LAMC3: variants seen among roughly 807,000 people sequenced by gnomAD.
LAMC3 encodes laminin subunit gamma 3.
Under a neutral mutation model 173.8 loss-of-function variants are expected in LAMC3, and 128 were observed. That is an observed-to-expected ratio of 0.74 (90% CI 0.64 to 0.85). The LOEUF is 0.85. LAMC3 is among the 40% of genes least tolerant of loss of function. LAMC3 has a pLI of 0.00. For missense variants in LAMC3, 2,022 were observed against 2,156.0 expected (o/e 0.94, Z 1.23); for synonymous variants, 897 against 909.1 (o/e 0.99, Z 0.24).
At chr9:131,075,340 G>T (rs779459097) in intron 20 of LAMC3, among the ~76,000 whole-genome samples, 1 of 152,158 alleles carries the variant, frequency 6.6e-6, no homozygotes, top group Non-Finnish European at 1.5e-5. Flanking sequence ...TTGGGAGGCC[G>T]AGGTGGGTGG....
At chr9:131,033,760 C>T (rs750700131) in intron 3 of LAMC3, among the ~76,000 whole-genome samples, 9 of 152,006 alleles carry the variant, frequency 5.9e-5, no homozygotes, top group Non-Finnish European at 1.2e-4. Flanking sequence ...TGGGTCTGAA[C>T]GCGACTGAGG....
At position 131,036,256 on chromosome 9, in the gene LAMC3, CTG is replaced by C. The variant is rs761516738; in HGVS notation, c.903_904del (p.Cys301Ter). ...RCQHNTTGTD[C>X]ERCLPFFQDR... Reference sequence around the variant, plus strand: ...GCCAGCACAACACCACCGGCACAGACTGTGAGCGCTGCCTGCCCTTCTTCCAG... The same window carrying C: ...GCCAGCACAACACCACCGGCACAGACTGAGCGCTGCCTGCCCTTCTTCCAG... On this transcript the variant is annotated frameshift_variant, in exon 4 of 28. Coordinates refer to ENST00000361069, the MANE Select transcript of LAMC3 (RefSeq NM_006059.4). LOFTEE classifies it high-confidence loss of function. 4 of 1,613,276 alleles carry C rather than the reference CTG, an allele frequency of 2.5e-6. No homozygotes were observed. Among genetic ancestry groups the C allele is most frequent in the South Asian group, 2.2e-5 (2 of 91,062 alleles).
chr9:131,084,277 C>CT (rs1451514079), intron 24 of LAMC3, among the ~76,000 whole-genome samples: 3 of 152,038 alleles, frequency 2.0e-5, no homozygotes, highest in African/African-American at 7.2e-5. Flanking sequence ...GTGGTGCAAT[C>CT]ATAGCTCACT....
At chr9:131,054,039 A>G (rs575802812) in intron 11 of LAMC3, among the ~76,000 whole-genome samples, 101 of 151,880 alleles carry the variant, frequency 6.6e-4, no homozygotes, top group African/African-American at 1.8e-3. Context: ...CAAAACCCCT[A>G]GTGTATGTGT....
chr9:131,037,109 G>A (rs928059353), intron 4 of LAMC3, among the ~76,000 whole-genome samples: 7 of 152,212 alleles, frequency 4.6e-5, no homozygotes, highest in African/African-American at 1.7e-4. Flanking sequence ...GTGGGGCACT[G>A]TCTGCAGGAG....
intron 14 of LAMC3, among the ~76,000 whole-genome samples, chr9:131,067,688 C>G (rs2282255): frequency 0.52 from 79,768 of 151,998 alleles, 21,216 homozygotes; most frequent in Non-Finnish European, 0.56. Flanking sequence ...GGAACCCCTG[C>G]AGGAAACACC....
intron 24 of LAMC3, 84 bp from the exon 25 acceptor site, chr9:131,085,440 C>A: frequency 7.1e-7 from 1 of 1,411,232 alleles, no homozygotes; most frequent in Non-Finnish European, 1.0e-6. Flanking sequence ...CTGTGGTCAG[C>A]CAGGCAGCTC....
chr9:131,075,762 G>T, intron 20 of LAMC3, 69 bp from the exon 21 acceptor site: 2 of 1,531,278 alleles, frequency 1.3e-6, no homozygotes, highest in Admixed American at 1.9e-5. Context: ...GTAGTAGGGG[G>T]CGTAGTTCTG....
rs768113454 is a variant in LAMC3, at chr9:131,081,202, G to C, written c.3928-857G>C. On this transcript the variant is annotated intron_variant, in intron 23 of 27. Transcript: ENST00000361069. Reference sequence around the variant, plus strand: ...CTCCTGATGGCATCACCTTTTCAGGGTTCACCTGCCTTGCGGCCTGGATCT... The same window carrying C: ...CTCCTGATGGCATCACCTTTTCAGGCTTCACCTGCCTTGCGGCCTGGATCT... Among the ~76,000 whole-genome samples, 52 of 152,216 alleles carry C rather than the reference G, an allele frequency of 3.4e-4. 1 individual carries two copies. Among genetic ancestry groups the C allele is most frequent in the Admixed American group, 6.5e-4 (10 of 15,282 alleles).
At chr9:131,083,862 G>A (rs1026705923) in intron 24 of LAMC3, among the ~76,000 whole-genome samples, 2 of 124,282 alleles carry the variant, frequency 1.6e-5, no homozygotes, top group Non-Finnish European at 3.3e-5. Flanking sequence ...ACTGTAATAA[G>A]TGCTTTTTTT....
At position 131,067,130 on chromosome 9, in the gene LAMC3, G is replaced by A. The variant is rs1310843668; in HGVS notation, c.2518G>A (p.Gly840Ser). 2 of 1,614,150 alleles carry A rather than the reference G, an allele frequency of 1.2e-6. No individual in the cohort carries two copies. Among genetic ancestry groups the A allele is most frequent in the African/African-American group, 2.7e-5 (2 of 75,040 alleles). ...CCTGCGCTGCCTGCACAACACCACG[G>A]GTGACCACTGTGAGCACTGTCAGGA... ...HCLRCLHNTT[G>S]DHCEHCQEGF... Residue 840 changes from glycine to serine, a missense_variant, in exon 14 of 28, where the codon GGT (glycine) becomes AGT (serine). Gly to Ser is a moderately conservative substitution (Grantham distance 56, BLOSUM62 0). Coordinates refer to ENST00000361069, the MANE Select transcript of LAMC3 (RefSeq NM_006059.4).
At chr9:131,066,750 G>C (rs1829940877) in intron 13 of LAMC3, among the ~76,000 whole-genome samples, 1 of 152,142 alleles carries the variant, frequency 6.6e-6, no homozygotes, top group African/African-American at 2.4e-5. Context: ...CCCCGCTTTA[G>C]AGATGAGGAA....
chr9:131,088,927 T>A (rs1554723707), intron 27 of LAMC3, among the ~76,000 whole-genome samples: 1 of 151,406 alleles, frequency 6.6e-6, no homozygotes, highest in East Asian at 2.0e-4. Context: ...TCTAAAGATA[T>A]AAAAAAAATT....
Position 131,041,366 on chromosome 9 carries a change from C to CAAAAAAAA in LAMC3, c.1284-269_1284-262dup, listed in dbSNP as rs10526087. Among the ~76,000 whole-genome samples the CAAAAAAAA allele has an allele frequency of 8.7e-5, 10 of 114,562 alleles. 1 individual carries two copies. Among genetic ancestry groups the CAAAAAAAA allele is most frequent in the Non-Finnish European group, 5.5e-5 (3 of 54,754 alleles). The allele number at this position is 114,562 out of a possible 152,430, so 75.2% of individuals were successfully genotyped here. A position where few individuals can be genotyped will look rare whatever the true frequency, so the allele number is the denominator to read the frequency against. On this transcript the variant is annotated intron_variant, in intron 6 of 27. Transcript: ENST00000361069. ...TGGGTGGCAAAGTGTGACTCTGTCC[C>CAAAAAAAA]AAAAAAAAAGATTCATGGATGATGA...
chr9:131,084,579 A>T (rs886566949), intron 24 of LAMC3, among the ~76,000 whole-genome samples: 1 of 152,186 alleles, frequency 6.6e-6, no homozygotes, highest in Admixed American at 6.5e-5. Flanking sequence ...ACTACTTCTT[A>T]TTGGATAATA....
intron 4 of LAMC3, among the ~76,000 whole-genome samples, 184 bp from the exon 5 acceptor site, chr9:131,038,680 T>G (rs1275074904): frequency 1.3e-5 from 2 of 152,192 alleles, no homozygotes; most frequent in African/African-American, 4.8e-5. Context: ...GTGTCCTGTT[T>G]TGGAAAATCA....
chr9:131,082,002 C>T lies in LAMC3; in HGVS notation c.3928-57C>T, dbSNP rs1330820609. 15 of 1,366,034 alleles carry T rather than the reference C, an allele frequency of 1.1e-5. No individual in the cohort carries two copies. In the Admixed American group the frequency reaches 2.3e-4, roughly 21 times the overall value. The allele number at this position is 1,366,034 out of a possible 1,614,324, so 84.6% of individuals were successfully genotyped here. On this transcript the variant is annotated intron_variant, in intron 23 of 27. Coordinates refer to ENST00000361069, the MANE Select transcript of LAMC3 (RefSeq NM_006059.4). ...TGTGGGTTTGGTGCCCACTGAGCTG[C>T]CCCTGGGCCCTGCTCCTGTGGAGCC... is the stretch of plus-strand genomic sequence containing the variant.
At chr9:131,086,757 G>A (rs1328404603) in intron 25 of LAMC3, among the ~76,000 whole-genome samples, 3 of 151,796 alleles carry the variant, frequency 2.0e-5, no homozygotes, top group Non-Finnish European at 4.4e-5. Context: ...GGGCATGGTG[G>A]CTCGCACCTG....
chr9:131,049,920 G>A (rs1834247764), intron 9 of LAMC3, among the ~76,000 whole-genome samples: 1 of 152,218 alleles, frequency 6.6e-6, no homozygotes, highest in Non-Finnish European at 1.5e-5. Context: ...CCCATCTTTA[G>A]CCCCACTGTG....
Sources: allele counts gnomAD v4.1 joint callset (sites outside exome capture counted in the v4.1 genomes callset), GRCh38; gene constraint gnomAD v4.1.1; transcripts MANE v1.5; gene names NCBI Gene and HGNC (gene_info 2026-07-23, HGNC 2026-07-21).